The following PRDM1 variants were observed in gnomAD, a reference collection of about 807,000 sequenced individuals.
PRDM1 encodes the protein PR/SET domain 1.
In PRDM1, 13 loss-of-function variants were observed where a neutral mutation model predicts 62.8. The observed-to-expected ratio is 0.21, with a 90% confidence interval of 0.13 to 0.33. PRDM1 has a LOEUF of 0.33. Among genes scored for constraint, PRDM1 ranks in the 10% least tolerant of loss-of-function variants. PRDM1 has a pLI of 1.00. For synonymous variants in PRDM1, 396 were observed against 417.6 expected, an observed-to-expected ratio of 0.95 and a Z score of 0.63; for missense variants, 895 against 1,058.8, an observed-to-expected ratio of 0.85 and a Z score of 2.15.
At position 106,105,647 on chromosome 6, in the gene PRDM1, TCTC is replaced by T; in HGVS notation, c.1490_1492del (p.Ser497del). On this transcript the variant is annotated inframe_deletion, in exon 5 of 7. Coordinates refer to ENST00000369096, the MANE Select transcript of PRDM1 (RefSeq NM_001198.4). The stretch of plus-strand genomic sequence containing the variant: ...CTTGTCCCGGCGCCCCACAGTGCCT[TCTC>T]CTTTACCGGGGCCGCCGCCAGCATG... The T allele has an allele frequency of 3.1e-6, 5 of 1,613,018 alleles. No homozygotes were observed. The South Asian group carries it at 4.4e-5, about 14-fold the overall frequency.
At chr6:106,030,516 T>G (rs1454651646) in intron 1 of PRDM1, among the ~76,000 whole-genome samples, 2 of 152,102 alleles carry the variant, frequency 1.3e-5, no homozygotes, top group African/African-American at 2.4e-5. Context: ...AAGTTTTAGA[T>G]TTTGAGGGAG....
chr6:106,038,464 A>G (rs900403900), intron 1 of PRDM1, among the ~76,000 whole-genome samples: 1 of 152,006 alleles, frequency 6.6e-6, no homozygotes, highest in African/African-American at 2.4e-5. Flanking sequence ...TGCATATTCT[A>G]TTTTTTAATG....
At chr6:106,082,915 T>C (rs753342557), upstream of PRDM1, among the ~76,000 whole-genome samples, 13 of 152,180 alleles carry the variant, frequency 8.5e-5, no homozygotes, top group Non-Finnish European at 1.8e-4. Context: ...ACACACAGGC[T>C]GCATTGTAAC....
upstream of PRDM1, among the ~76,000 whole-genome samples, chr6:106,045,089 T>C (rs546976100): frequency 2.0e-5 from 3 of 152,334 alleles, no homozygotes; most frequent in South Asian, 6.2e-4. Flanking sequence ...TTTTCAACTT[T>C]TATCTTTCTG....
chr6:105,993,810 C>T lies in PRDM1; in HGVS notation c.-67+171C>T, dbSNP rs558828097. On this transcript the variant is annotated intron_variant, in intron 1 of 6. Transcript: ENST00000652320. ...CTGATATCGCTTAATCTGTAATCTC[C>T]GGCAGTGTTGATAGCTCTCCTCTGG... Among the ~76,000 whole-genome samples the T allele has an allele frequency of 3.3e-5, 5 of 150,180 alleles. No individual in the cohort carries two copies. In the East Asian group the frequency reaches 9.7e-4, roughly 29 times the overall value.
At chr6:106,010,292 C>A (rs2114549503) in intron 1 of PRDM1, among the ~76,000 whole-genome samples, 1 of 152,236 alleles carries the variant, frequency 6.6e-6, no homozygotes, top group East Asian at 1.9e-4. Flanking sequence ...GAAAAGCTTA[C>A]AATGAATCTT....
At chr6:106,074,872 G>T (rs999549612) in intron 1 of PRDM1, among the ~76,000 whole-genome samples, 2 of 152,208 alleles carry the variant, frequency 1.3e-5, no homozygotes, top group African/African-American at 4.8e-5. Context: ...TACTCAAGAG[G>T]CTGAGGCATG....
chr6:106,020,442 C>T (rs766818154), intron 1 of PRDM1, among the ~76,000 whole-genome samples: 19 of 151,978 alleles, frequency 1.3e-4, no homozygotes, highest in Admixed American at 5.2e-4. Flanking sequence ...TGGAATTACA[C>T]GGATGAGCCA....
At chr6:106,049,668 G>A (rs1295729103) in intron 1 of PRDM1, among the ~76,000 whole-genome samples, 4 of 151,962 alleles carry the variant, frequency 2.6e-5, no homozygotes, top group East Asian at 1.9e-4. Flanking sequence ...CCTGAATTGC[G>A]TGCACATGCA....
At position 106,106,014 on chromosome 6, in the gene PRDM1, G is replaced by T; in HGVS notation, c.1773+81G>T. ...TTTAGCTTGCTTTCCATGGGGTATC[G>T]ATTGCATTTGCAGTAGTATGAGCCC... On this transcript the variant is annotated intron_variant, in intron 5 of 6. Coordinates refer to ENST00000369096, the MANE Select transcript of PRDM1 (RefSeq NM_001198.4). This position sits in a 1 kb window ranked among gnomAD's most constrained non-coding sequence, Gnocchi z 4.4. The T allele has an allele frequency of 6.6e-7, 1 of 1,523,620 alleles. No homozygotes were observed. Among genetic ancestry groups the T allele is most frequent in the South Asian group, 1.3e-5 (1 of 76,396 alleles). The allele number at this position is 1,523,620 out of a possible 1,614,324, so 94.4% of individuals were successfully genotyped here.
chr6:106,054,568 T>C (rs909851601), intron 1 of PRDM1, among the ~76,000 whole-genome samples: 3 of 152,246 alleles, frequency 2.0e-5, no homozygotes, highest in African/African-American at 7.2e-5. Context: ...TCCATGTGTT[T>C]TCTTTTGTGC....
upstream of PRDM1, chr6:106,046,832 A>G (rs1773085776): frequency 1.3e-5 from 2 of 152,268 alleles, no homozygotes; most frequent in Admixed American, 6.5e-5. Context: ...TAGTCTAGCC[A>G]AATGGAAGAA....
chr6:106,036,204 A>T (rs1772923782), intron 1 of PRDM1, among the ~76,000 whole-genome samples: 1 of 152,060 alleles, frequency 6.6e-6, no homozygotes, highest in African/African-American at 2.4e-5. Flanking sequence ...GCTGGGGTGC[A>T]GTGGTGCAAT....
At chr6:106,093,861 A>C (rs1242354761) in intron 2 of PRDM1, among the ~76,000 whole-genome samples, 1 of 152,182 alleles carries the variant, frequency 6.6e-6, no homozygotes, top group East Asian at 1.9e-4. Flanking sequence ...AGGACCAAAA[A>C]TAACACTCTT....
chr6:106,064,494 C>T (rs1440188972), intron 1 of PRDM1, among the ~76,000 whole-genome samples: 1 of 152,156 alleles, frequency 6.6e-6, no homozygotes, highest in Non-Finnish European at 1.5e-5. Context: ...TGAGGACCAC[C>T]AGAATAATTC....
intron 2 of PRDM1, among the ~76,000 whole-genome samples, chr6:106,090,116 C>A (rs765628196): frequency 6.6e-6 from 1 of 152,142 alleles, no homozygotes; most frequent in Non-Finnish European, 1.5e-5. Context: ...AAAGCCAGAC[C>A]GGGGACTTGA....
intron 1 of PRDM1, among the ~76,000 whole-genome samples, chr6:106,022,055 CA>C (rs1410795100): frequency 6.6e-6 from 1 of 152,126 alleles, no homozygotes; most frequent in Non-Finnish European, 1.5e-5. Flanking sequence ...TCCTCCTACC[CA>C]AAAGACTAGT....
At chr6:106,060,495 C>G (rs989722642) in intron 1 of PRDM1, among the ~76,000 whole-genome samples, 6 of 151,800 alleles carry the variant, frequency 4.0e-5, no homozygotes, top group African/African-American at 4.8e-5. Context: ...ATAACTCACT[C>G]GAGTACTAGG....
At chr6:106,025,248 A>G (rs1772748900) in intron 1 of PRDM1, among the ~76,000 whole-genome samples, 1 of 152,220 alleles carries the variant, frequency 6.6e-6, no homozygotes, top group African/African-American at 2.4e-5. Flanking sequence ...GTTAAAATGC[A>G]AAATTGTTCT....
Sources: gnomAD v4.1 joint callset for allele counts (sites outside exome capture counted in the v4.1 genomes callset) on GRCh38, gnomAD v4.1.1 for gene constraint, Gnocchi (gnomAD v3.1) non-coding constraint, MANE v1.5 for transcripts, NCBI Gene and HGNC (gene_info 2026-07-23, HGNC 2026-07-21) for gene names.